The following SMAD5 variants were observed in gnomAD, a reference collection of about 807,000 sequenced individuals.
SMAD5 encodes MAD, mothers against decapentaplegic homolog 5.
SMAD5 carries 9 observed loss-of-function variants against 43.1 expected under a neutral mutation model. The observed-to-expected ratio is 0.21, with a 90% CI of 0.13 to 0.36. The LOEUF (loss-of-function observed/expected upper bound fraction) is 0.36. SMAD5 is among the 10% of genes least tolerant of loss of function. SMAD5 has a pLI of 1.00. For missense variants in SMAD5, 348 were observed against 574.0 expected (o/e 0.61, Z 4.02); for synonymous variants, 190 against 192.4 (o/e 0.99, Z 0.10).
At position 136,153,733 on chromosome 5, in the gene SMAD5, C is replaced by T. The variant is rs765913158; in HGVS notation, c.-28C>T. ...TTCGGTAGCCACTGACTTTGAGTTA[C>T]AGGAAGGTCTCCGAAGATTTGTGTC... On this transcript the variant is annotated 5_prime_UTR_variant, in exon 3 of 8. Coordinates refer to ENST00000545279, the MANE Select transcript of SMAD5 (RefSeq NM_005903.7). The T allele has an allele frequency of 1.9e-6, 3 of 1,572,036 alleles. No homozygotes were observed. The highest frequency in any genetic ancestry group is 2.3e-5 in the South Asian group (2 of 85,690).
intron 6 of SMAD5, among the ~76,000 whole-genome samples, chr5:136,173,825 T>C (rs928528712): frequency 1.3e-4 from 20 of 151,592 alleles, no homozygotes; most frequent in Non-Finnish European, 2.4e-4. Flanking sequence ...TTTTATTTTT[T>C]TTGCCCTCAC....
At position 136,156,770 on chromosome 5, in the gene SMAD5, A is replaced by G. The variant is rs560918211; in HGVS notation, c.403+2607A>G. 2.0e-5 allele frequency among the ~76,000 whole-genome samples: 3 copies of G among 152,222 alleles called. No individual in the cohort carries two copies. The East Asian group carries it at 5.8e-4, about 29-fold the overall frequency. On this transcript the variant is annotated intron_variant, in intron 3 of 7. Coordinates refer to ENST00000545279, the MANE Select transcript of SMAD5 (RefSeq NM_005903.7). ...TAGAAATGTCTTATTTTTTGTATAC[A>G]TTTTTCTCAGCTATGATTCATTCTA... is the stretch of plus-strand genomic sequence containing the variant.
At position 136,165,662 on chromosome 5, in the gene SMAD5, A is replaced by ATATTTTTTTTT. The variant is rs1561653930; in HGVS notation, c.775+2272_775+2273insATTTTTTTTTT. Among the ~76,000 whole-genome samples, 14 of 65,448 alleles carry ATATTTTTTTTT rather than the reference A, an allele frequency of 2.1e-4. 3 individuals carry two copies. Among genetic ancestry groups the ATATTTTTTTTT allele is most frequent in the African/African-American group, 6.5e-4 (12 of 18,340 alleles). The allele number at this position is 65,448 out of a possible 152,430, so 42.9% of individuals were successfully genotyped here. On this transcript the variant is annotated intron_variant, in intron 5 of 7. Transcript: ENST00000545279. Reference sequence around the variant, plus strand: ...TACTTCATATAAATGGAATCATACAATTTTTTTTTTTTTTTTTTTTTTTTT... The same window carrying ATATTTTTTTTT: ...TACTTCATATAAATGGAATCATACAATATTTTTTTTTTTTTTTTTTTTTTTTTTTTTTTTTT...
At chr5:136,169,980 T>C (rs1196641996) in intron 5 of SMAD5, among the ~76,000 whole-genome samples, 1 of 152,220 alleles carries the variant, frequency 6.6e-6, no homozygotes, top group African/African-American at 2.4e-5. Context: ...GAGTTCTTTG[T>C]ATATTTTGAA....
At chr5:136,135,352 C>A (rs1395226068) in intron 1 of SMAD5, among the ~76,000 whole-genome samples, 1 of 152,196 alleles carries the variant, frequency 6.6e-6, no homozygotes, top group Non-Finnish European at 1.5e-5. Flanking sequence ...AGATTACAAC[C>A]ATAATTATAC....
chr5:136,141,295 A>T (rs1262165413), intron 1 of SMAD5, among the ~76,000 whole-genome samples: 2 of 152,130 alleles, frequency 1.3e-5, no homozygotes, highest in African/African-American at 4.8e-5. Flanking sequence ...CTGGAGTTTG[A>T]TTTCATTGTT....
chr5:136,138,559 A>G (rs1040111757), intron 1 of SMAD5, among the ~76,000 whole-genome samples: 2 of 152,196 alleles, frequency 1.3e-5, no homozygotes, highest in African/African-American at 4.8e-5. Context: ...TAGCAGTTGT[A>G]TACATGGATC....
In SMAD5 at chr5:136,177,388, A is replaced by G. The variant is rs776101623; in HGVS notation, c.1306A>G (p.Ile436Val). 5 of 1,612,742 alleles carry G rather than the reference A, an allele frequency of 3.1e-6. No individual in the cohort carries two copies. Among genetic ancestry groups the G allele is most frequent in the Admixed American group, 3.3e-5 (2 of 59,996 alleles). ...RQDVTSTPCW[I>V]EIHLHGPLQW... ...GGATGTAACCAGCACCCCATGTTGG[A>G]TTGAGATTCATCTTCATGGGCCTCT... Residue 436 changes from isoleucine (I) to valine (V), a missense_variant, in exon 8 of 8, where the codon ATT (isoleucine) becomes GTT (valine). By Grantham distance (29) the Ile-to-Val change is conservative. This residue lies in a region of SMAD5 where 97 missense variants were observed against 211.8 expected (regional missense o/e 0.46). Coordinates refer to ENST00000545279, the MANE Select transcript of SMAD5 (RefSeq NM_005903.7).
At position 136,174,386 on chromosome 5, in the gene SMAD5, G is replaced by A. The variant is rs1754333846; in HGVS notation, c.1008G>A (p.Leu336=). 1 of 1,613,824 alleles carries A rather than the reference G, an allele frequency of 6.2e-7. No homozygotes were observed. Among genetic ancestry groups the A allele is most frequent in the Non-Finnish European group, 8.5e-7 (1 of 1,179,730 alleles). The change falls in exon 7 of 8, where the codon CTG becomes CTA. Residue 336 remains leucine, a synonymous_variant. Coordinates refer to ENST00000545279, the MANE Select transcript of SMAD5 (RefSeq NM_005903.7). ...GTTTGTCTTTTTAAGGTGTTCATCTGTACTATGTTGGTGGAGAGGTGTATG... is the reference window on the plus strand; with the variant it reads ...GTTTGTCTTTTTAAGGTGTTCATCTATACTATGTTGGTGGAGAGGTGTATG... ...TRRHIGKGVH[L]YYVGGEVYAE...
intron 2 of SMAD5, among the ~76,000 whole-genome samples, chr5:136,149,558 T>C (rs1753380271): frequency 6.6e-6 from 1 of 151,768 alleles, no homozygotes; most frequent in African/African-American, 2.4e-5. Flanking sequence ...TGTTTTCTTT[T>C]TGCATTCATG....
At chr5:136,136,677 G>A (rs553039219) in intron 1 of SMAD5, among the ~76,000 whole-genome samples, 19 of 152,240 alleles carry the variant, frequency 1.2e-4, no homozygotes, top group Admixed American at 1.2e-3. Flanking sequence ...GAGTTCTTAG[G>A]TTTTTCATAA....
At chr5:136,157,822 G>T (rs932582160) in intron 3 of SMAD5, among the ~76,000 whole-genome samples, 3 of 152,136 alleles carry the variant, frequency 2.0e-5, no homozygotes, top group Non-Finnish European at 2.9e-5. Flanking sequence ...GCATGAACTG[G>T]GGGGGTTAGG....
At position 136,177,612 on chromosome 5, in the gene SMAD5, A is replaced by G. The variant is rs139148801; in HGVS notation, c.*132A>G. The stretch of plus-strand genomic sequence containing the variant: ...TATTTTTTTCTACATAATTGTGACC[A>G]ATACATTTGTATTTTGTGATGAATC... On this transcript the variant is annotated 3_prime_UTR_variant, in exon 8 of 8. Coordinates refer to ENST00000545279, the MANE Select transcript of SMAD5 (RefSeq NM_005903.7). The G allele has an allele frequency of 1.8e-4, 118 of 646,576 alleles. 1 individual carries two copies. In the African/African-American group the frequency reaches 2.0e-3, roughly 11 times the overall value. 40.1% of individuals were successfully genotyped at this position (646,576 alleles called of 1,614,324 possible). A position where few individuals can be genotyped will look rare whatever the true frequency, so the allele number is the denominator to read the frequency against.
At chr5:136,149,263 A>G (rs1753367954) in intron 2 of SMAD5, among the ~76,000 whole-genome samples, 1 of 151,866 alleles carries the variant, frequency 6.6e-6, no homozygotes, top group African/African-American at 2.4e-5. Context: ...GTTTGGGACT[A>G]TTATAAATAA....
chr5:136,176,537 T>C (rs1171833332), intron 7 of SMAD5, among the ~76,000 whole-genome samples: 1 of 151,780 alleles, frequency 6.6e-6, no homozygotes, highest in Non-Finnish European at 1.5e-5. Flanking sequence ...ATTTTGATTT[T>C]GATTTTTTAT....
intron 1 of SMAD5, among the ~76,000 whole-genome samples, chr5:136,140,803 A>G (rs1281300999): frequency 6.6e-6 from 1 of 151,138 alleles, no homozygotes; most frequent in East Asian, 1.9e-4. Flanking sequence ...AATATAAGCT[A>G]AATGAAGACA....
chr5:136,156,232 G>A (rs1201420025), intron 3 of SMAD5, among the ~76,000 whole-genome samples: 1 of 152,064 alleles, frequency 6.6e-6, no homozygotes, highest in East Asian at 1.9e-4. Flanking sequence ...AGGGTCTTCT[G>A]GTAAGAAGGA....
At chr5:136,149,739 A>G (rs1753387171) in intron 2 of SMAD5, among the ~76,000 whole-genome samples, 1 of 151,902 alleles carries the variant, frequency 6.6e-6, no homozygotes, top group South Asian at 2.1e-4. Context: ...TAGCTTGCAC[A>G]TACCACTTTA....
chr5:136,166,557 T>G (rs958387657), intron 5 of SMAD5, among the ~76,000 whole-genome samples: 4 of 152,182 alleles, frequency 2.6e-5, no homozygotes, highest in Non-Finnish European at 5.9e-5. Flanking sequence ...GTTTCTCTAC[T>G]TATTTGCTTT....
Sources: gnomAD v4.1 joint callset for allele counts (sites outside exome capture counted in the v4.1 genomes callset) on GRCh38, gnomAD v4.1.1 for gene constraint, gnomAD v4.1.1 regional missense constraint, MANE v1.5 for transcripts, NCBI Gene and HGNC (gene_info 2026-07-23, HGNC 2026-07-21) for gene names.